EPHA6: variants seen among roughly 807,000 people sequenced by gnomAD.
The protein encoded by EPHA6 is ephrin type-A receptor 6.
A neutral mutation model predicts 112.0 loss-of-function variants in EPHA6; 50 were observed. The observed-to-expected ratio is 0.45, with a 90% CI of 0.36 to 0.56. The LOEUF (loss-of-function observed/expected upper bound fraction) is 0.56. Ranked by LOEUF, EPHA6 falls within the 20% of genes least tolerant of loss-of-function variation. The pLI is 0.00. For missense variants in EPHA6, 1,280 were observed against 1,417.4 expected, an observed-to-expected ratio of 0.90 and a Z score of 1.56; for synonymous variants, 529 against 490.7, an observed-to-expected ratio of 1.08 and a Z score of -1.03.
intron 14 of EPHA6, among the ~76,000 whole-genome samples, chr3:97,689,172 T>A (rs2107702238): frequency 6.6e-6 from 1 of 152,310 alleles, no homozygotes; most frequent in Admixed American, 6.5e-5. Flanking sequence ...CCTAAGGAAA[T>A]ATGTGAAGTC....
chr3:97,218,584 C>T (rs973503313), intron 3 of EPHA6, among the ~76,000 whole-genome samples: 1 of 152,130 alleles, frequency 6.6e-6, no homozygotes, highest in Non-Finnish European at 1.5e-5. Flanking sequence ...GAAACCACCC[C>T]CATGATTCAA....
intron 2 of EPHA6, among the ~76,000 whole-genome samples, chr3:96,984,474 C>T (rs967974882): frequency 9.2e-5 from 14 of 152,156 alleles, no homozygotes; most frequent in Non-Finnish European, 1.0e-4. Context: ...CTGGGGGGTG[C>T]CTCCCAGTTA....
At chr3:97,488,925 G>A (rs1184656734) in intron 10 of EPHA6, among the ~76,000 whole-genome samples, 1 of 152,186 alleles carries the variant, frequency 6.6e-6, no homozygotes, top group African/African-American at 2.4e-5. Flanking sequence ...TAAAAGATCA[G>A]CTTTACCCAT....
chr3:97,409,277 T>G (rs2087554457), intron 6 of EPHA6, among the ~76,000 whole-genome samples: 1 of 152,156 alleles, frequency 6.6e-6, no homozygotes, highest in Non-Finnish European at 1.5e-5. Flanking sequence ...TTATCCTTAG[T>G]GCTCAGAGAG....
chr3:97,103,080 T>C (rs2047452310), intron 3 of EPHA6, among the ~76,000 whole-genome samples: 1 of 152,102 alleles, frequency 6.6e-6, no homozygotes, highest in South Asian at 2.1e-4. Context: ...CTGTAGGTTG[T>C]CTGTTTACTT....
intron 3 of EPHA6, among the ~76,000 whole-genome samples, chr3:97,087,552 A>G (rs1432972632): frequency 2.6e-5 from 4 of 152,310 alleles, no homozygotes; most frequent in African/African-American, 9.6e-5. Context: ...GTTCAAAACC[A>G]CATGAAACTG....
intron 5 of EPHA6, among the ~76,000 whole-genome samples, chr3:97,336,433 A>C (rs867649589): frequency 1.3e-5 from 2 of 152,142 alleles, no homozygotes; most frequent in Non-Finnish European, 2.9e-5. Flanking sequence ...CATTATGTGG[A>C]GTGTTCTCTA....
intron 3 of EPHA6, among the ~76,000 whole-genome samples, chr3:97,185,402 G>A (rs920499751): frequency 9.2e-5 from 14 of 152,192 alleles, no homozygotes; most frequent in African/African-American, 3.1e-4. Flanking sequence ...AAAAGTGGGT[G>A]AAGGATATGA....
At chr3:97,174,321 C>T (rs762154264) in intron 3 of EPHA6, among the ~76,000 whole-genome samples, 7 of 151,830 alleles carry the variant, frequency 4.6e-5, no homozygotes, top group Non-Finnish European at 1.0e-4. Flanking sequence ...TAGGTTGCTT[C>T]CAAATCTTAA....
At chr3:96,940,233 T>A (rs1489361522) in intron 2 of EPHA6, among the ~76,000 whole-genome samples, 1 of 152,144 alleles carries the variant, frequency 6.6e-6, no homozygotes, top group East Asian at 1.9e-4. Flanking sequence ...TGTGTGGGAG[T>A]CTAAGTATCT....
chr3:96,921,154 A>G (rs1195559213), intron 2 of EPHA6, among the ~76,000 whole-genome samples: 1 of 152,096 alleles, frequency 6.6e-6, no homozygotes, highest in East Asian at 1.9e-4. Flanking sequence ...AAACTCAATT[A>G]TGGTAGTGGT....
At chr3:96,957,721 A>G (rs989357043) in intron 2 of EPHA6, among the ~76,000 whole-genome samples, 20 of 152,226 alleles carry the variant, frequency 1.3e-4, no homozygotes, top group African/African-American at 4.8e-4. Flanking sequence ...TAGCTTGAAT[A>G]AAGAGAGAGA....
chr3:96,905,972 T>C (rs1478473139), intron 2 of EPHA6, among the ~76,000 whole-genome samples: 1 of 152,078 alleles, frequency 6.6e-6, no homozygotes, highest in East Asian at 1.9e-4. Flanking sequence ...TGTATATGGA[T>C]TTGTACATCA....
At chr3:97,033,903 G>A (rs914120665) in intron 3 of EPHA6, among the ~76,000 whole-genome samples, 6 of 151,846 alleles carry the variant, frequency 4.0e-5, no homozygotes, top group Admixed American at 6.6e-5. Flanking sequence ...ACATCAGGCC[G>A]TTGTGGTTTT....
Position 96,992,832 on chromosome 3 carries a change from G to A in EPHA6, c.1114+4839G>A, listed in dbSNP as rs114009516. Among the ~76,000 whole-genome samples the A allele has an allele frequency of 5.5e-3, 837 of 152,054 alleles. 7 individuals are homozygous for A. Among genetic ancestry groups the A allele is most frequent in the African/African-American group, 0.02 (815 of 41,476 alleles). ...TACCCTTTTCTTCTTTTTCTGTGAT[G>A]AAATTGTATTTATTCTTCAAGACCT... On this transcript the variant is annotated intron_variant, in intron 3 of 17. Transcript: ENST00000389672.
intron 2 of EPHA6, among the ~76,000 whole-genome samples, chr3:96,936,982 G>A (rs938959673): frequency 2.0e-5 from 3 of 152,134 alleles, no homozygotes; most frequent in Non-Finnish European, 4.4e-5. Flanking sequence ...GTGTATATGT[G>A]CCACATTTTC....
chr3:97,404,613 A>G (rs2087213972), intron 5 of EPHA6, among the ~76,000 whole-genome samples: 1 of 152,184 alleles, frequency 6.6e-6, no homozygotes, highest in African/African-American at 2.4e-5. Flanking sequence ...TAAATATTTT[A>G]ACTTTGTTTA....
intron 13 of EPHA6, among the ~76,000 whole-genome samples, chr3:97,622,119 A>C (rs751215445): frequency 7.9e-5 from 12 of 151,898 alleles, no homozygotes; most frequent in Non-Finnish European, 1.3e-4. Context: ...CAGTGGTATT[A>C]AGTACATTCA....
chr3:97,697,108 G>A (rs142181475), intron 14 of EPHA6, among the ~76,000 whole-genome samples: 2 of 152,202 alleles, frequency 1.3e-5, no homozygotes, highest in East Asian at 3.9e-4. Context: ...TCTCCCCGTG[G>A]TCCTATTACA....
Sources: allele counts gnomAD v4.1 joint callset (sites outside exome capture counted in the v4.1 genomes callset), GRCh38; gene constraint gnomAD v4.1.1; transcripts MANE v1.5; gene names NCBI Gene and HGNC (gene_info 2026-07-23, HGNC 2026-07-21).